OXNAD1: variants seen among roughly 807,000 people sequenced by gnomAD.
The protein encoded by OXNAD1 is oxidoreductase NAD binding domain containing 1.
OXNAD1 carries 34 observed loss-of-function variants against 32.9 expected under a neutral mutation model. The ratio of observed to expected loss-of-function variants is 1.03; its 90% CI spans 0.79 to 1.38. The LOEUF (loss-of-function observed/expected upper bound fraction) is 1.38, where lower values mean the gene tolerates loss of function less well. Ranked by LOEUF, OXNAD1 falls within the 40% of genes most tolerant of loss-of-function variation. The pLI is 0.00. For synonymous variants in OXNAD1, 134 were observed against 135.2 expected (o/e 0.99, Z 0.06); for missense variants, 407 against 379.4 (o/e 1.07, Z -0.60).
At chr3:16,330,773 T>G (rs915015609) in intron 9 of OXNAD1, among the ~76,000 whole-genome samples, 3 of 152,258 alleles carry the variant, frequency 2.0e-5, no homozygotes, top group African/African-American at 7.2e-5. Context: ...ATAGACATCC[T>G]ACACAACCTT....
In OXNAD1 at chr3:16,294,874, A is replaced by G. The variant is rs762529511; in HGVS notation, c.309A>G (p.Pro103=). 6 of 1,609,090 alleles carry G rather than the reference A, an allele frequency of 3.7e-6. No homozygotes were observed. The highest frequency in any genetic ancestry group is 5.1e-6 in the Non-Finnish European group (6 of 1,177,528). Residue 103 remains proline (P), a synonymous_variant, in exon 6 of 9, where the codon CCA becomes CCG. Coordinates refer to ENST00000285083, the MANE Select transcript of OXNAD1 (RefSeq NM_138381.5). ...TTTTTAGGGTTGATTTCTTTATTCC[A>G]GGAGTCTCTGTGGTTGGTGGGTTTT... ...KAGQWVDFFI[P]GVSVVGGFSI...
downstream of OXNAD1, among the ~76,000 whole-genome samples, chr3:16,337,722 C>CA (rs2070991960): frequency 7.3e-6 from 1 of 137,402 alleles, no homozygotes; most frequent in African/African-American, 2.9e-5. The surrounding 1 kb of genome is among the most constrained non-coding windows in gnomAD (Gnocchi z 5.0). Flanking sequence ...AGCCTGGCGA[C>CA]AGAGCGAGAC....
intron 2 of OXNAD1, 148 bp downstream of exon 2, chr3:16,269,423 C>T (rs2064774315): frequency 2.7e-6 from 2 of 747,534 alleles, no homozygotes; most frequent in African/African-American, 3.6e-5. Context: ...TAGCAAGTAG[C>T]ATGCTTATCC....
At position 16,265,658 on chromosome 3, in the gene OXNAD1, A is replaced by G. The variant is rs187981417; in HGVS notation, c.-159+153A>G. Among the ~76,000 whole-genome samples the G allele has an allele frequency of 3.7e-4, 57 of 152,344 alleles. No individual in the cohort carries two copies. Among genetic ancestry groups the G allele is most frequent in the African/African-American group, 1.1e-3 (45 of 41,586 alleles). ...ACGACGATGATTTTTAGTAATAGTA[A>G]TAACATCACCTTTTATTATTGGGAA... On this transcript the variant is annotated intron_variant, in intron 1 of 8. Coordinates refer to ENST00000285083, the MANE Select transcript of OXNAD1 (RefSeq NM_138381.5). The surrounding 1 kb of genome is among the most constrained non-coding windows in gnomAD (Gnocchi z 4.8).
chr3:16,269,367 G>A, intron 2 of OXNAD1, 92 bp downstream of exon 2: 1 of 1,323,680 alleles, frequency 7.6e-7, no homozygotes, highest in Non-Finnish European at 1.0e-6. Flanking sequence ...GGTCTTGAAT[G>A]AGGTTGAAGA....
At chr3:16,292,637 C>G (rs1359639905) in intron 5 of OXNAD1, among the ~76,000 whole-genome samples, 1 of 152,112 alleles carries the variant, frequency 6.6e-6, no homozygotes, top group African/African-American at 2.4e-5. Context: ...GTGTTTTATT[C>G]TAAGAGTTTA....
At position 16,345,813 on chromosome 3, in the gene OXNAD1, TGTGTGCGCGCGCGC is replaced by T. The variant is rs773927362; in HGVS notation, c.*31-3359_*31-3346del. Among the ~76,000 whole-genome samples the T allele has an allele frequency of 7.1e-5, 6 of 84,736 alleles. No homozygotes were observed. Among genetic ancestry groups the T allele is most frequent in the South Asian group, 3.7e-4 (1 of 2,704 alleles). The allele number at this position is 84,736 out of a possible 152,430, so 55.6% of individuals were successfully genotyped here. ...CTGTGTGTGTGTGTGTGTGTGTGTGTGTGTGCGCGCGCGCGTGCGCGCACGCGCACATGTGCATG... is the reference window on the plus strand; with the variant it reads ...CTGTGTGTGTGTGTGTGTGTGTGTGTGTGCGCGCACGCGCACATGTGCATG... On this transcript the variant is annotated intron_variant, in intron 9 of 9. Coordinates refer to the OXNAD1 transcript ENST00000606098. The surrounding 1 kb of genome is among the most constrained non-coding windows in gnomAD (Gnocchi z 5.2).
At chr3:16,274,871 TCAG>T (rs1056087108) in intron 4 of OXNAD1, among the ~76,000 whole-genome samples, 10 of 152,360 alleles carry the variant, frequency 6.6e-5, no homozygotes, top group African/African-American at 2.2e-4. Flanking sequence ...CTTTTTCTCT[TCAG>T]CACAACTCTC....
At position 16,269,252 on chromosome 3, in the gene OXNAD1, C is replaced by A; in HGVS notation, c.-32C>A. 1 of 1,535,306 alleles carries A rather than the reference C, an allele frequency of 6.5e-7. No homozygotes were observed. The highest frequency in any genetic ancestry group is 8.7e-7 in the Non-Finnish European group (1 of 1,146,744). The stretch of plus-strand genomic sequence containing the variant: ...TCAGCTGACCATATACTTAATGACT[C>A]CTAAAATCTCGTGGACTTCTAAGGT... On this transcript the variant is annotated 5_prime_UTR_variant, in exon 2 of 9. Transcript: ENST00000285083.
At chr3:16,350,886 A>C (rs948964342), downstream of OXNAD1, among the ~76,000 whole-genome samples, 10 of 152,232 alleles carry the variant, frequency 6.6e-5, no homozygotes, top group African/African-American at 2.4e-4. Flanking sequence ...AGATGGTTTA[A>C]AAAGAACAAA....
intron 2 of OXNAD1, among the ~76,000 whole-genome samples, chr3:16,270,391 GT>G (rs1157611547): frequency 6.6e-6 from 1 of 152,166 alleles, no homozygotes; most frequent in Non-Finnish European, 1.5e-5. Context: ...ATCTTACTGT[GT>G]GAATGTATCA....
chr3:16,307,889 A>G (rs7637152), downstream of OXNAD1, among the ~76,000 whole-genome samples: 624 of 152,308 alleles, frequency 4.1e-3, 4 homozygotes, highest in African/African-American at 0.015. Flanking sequence ...AAATTGGTAC[A>G]GTACTATTAA....
downstream of OXNAD1, among the ~76,000 whole-genome samples, chr3:16,310,681 C>T (rs1413558937): frequency 6.6e-6 from 1 of 152,090 alleles, no homozygotes; most frequent in Non-Finnish European, 1.5e-5. Flanking sequence ...GCTGGAATTG[C>T]CAACATTACC....
chr3:16,317,078 G>A lies in OXNAD1; in HGVS notation c.*30+13486G>A, dbSNP rs753751024. The A allele has an allele frequency of 1.2e-5, 20 of 1,613,630 alleles. No individual in the cohort carries two copies. Among genetic ancestry groups the A allele is most frequent in the East Asian group, 6.7e-5 (3 of 44,842 alleles). ...GACTCCACCCTCCTGCTGCTGTCCT[G>A]AAACACAGTTTCCCATGTCTCCAGC... is the stretch of plus-strand genomic sequence containing the variant. On this transcript the variant is annotated intron_variant, in intron 9 of 9. Transcript: ENST00000435829. The surrounding 1 kb of genome is among the most constrained non-coding windows in gnomAD (Gnocchi z 4.3).
rs990521825 is a variant in OXNAD1 at position 16,277,755 on chromosome 3, G to T, written c.183+6033G>T. ...ATTTCCTCTGGAAAGTTTACTGAAT[G>T]ACCATTTATGATGTTTATGCTTCTT... On this transcript the variant is annotated intron_variant, in intron 4 of 8. Coordinates refer to ENST00000285083, the MANE Select transcript of OXNAD1 (RefSeq NM_138381.5). The surrounding 1 kb of genome is among the most constrained non-coding windows in gnomAD (Gnocchi z 4.3). 5.9e-5 allele frequency among the ~76,000 whole-genome samples: 9 copies of T among 152,204 alleles called. No homozygotes were observed. Among genetic ancestry groups the T allele is most frequent in the Non-Finnish European group, 1.3e-4 (9 of 68,032 alleles).
chr3:16,268,313 CTTTTTTTTTTTTTT>C (rs531751365), intron 1 of OXNAD1, among the ~76,000 whole-genome samples: 33 of 61,002 alleles, frequency 5.4e-4, no homozygotes, highest in African/African-American at 1.3e-3. Flanking sequence ...AAGAGAACTC[CTTTTTTTTTTTTTT>C]TTTTTTTTTT....
At chr3:16,291,683 A>G (rs779490089) in intron 5 of OXNAD1, among the ~76,000 whole-genome samples, 39 of 152,362 alleles carry the variant, frequency 2.6e-4, no homozygotes, top group Admixed American at 3.9e-4. Flanking sequence ...GCTATTGTGA[A>G]TAATGCTGCC....
At chr3:16,291,410 T>C (rs1427122805) in intron 5 of OXNAD1, among the ~76,000 whole-genome samples, 4 of 152,256 alleles carry the variant, frequency 2.6e-5, no homozygotes, top group Admixed American at 6.5e-5. Flanking sequence ...ATGATTCTTA[T>C]TCATTCCCTA....
In OXNAD1 at chr3:16,336,709, CAG is replaced by C. The variant is rs1398563866; in HGVS notation, c.*31-400_*31-399del. ...TTAGTTCTTAGATGCAGAAAAGGGT[CAG>C]AGGAAAATACATGTAGTGCATAAAA... On this transcript the variant is annotated intron_variant, in intron 9 of 9. Transcript: ENST00000435829. This position sits in a 1 kb window ranked among gnomAD's most constrained non-coding sequence, Gnocchi z 6.0. Among the ~76,000 whole-genome samples the C allele has an allele frequency of 6.6e-6, 1 of 151,758 alleles. No homozygotes were observed. The highest frequency in any genetic ancestry group is 1.5e-5 in the Non-Finnish European group (1 of 67,956).
Sources: allele counts gnomAD v4.1 joint callset (sites outside exome capture counted in the v4.1 genomes callset), GRCh38; gene constraint gnomAD v4.1.1; non-coding constraint Gnocchi (gnomAD v3.1); transcripts MANE v1.5; gene names NCBI Gene and HGNC (gene_info 2026-07-23, HGNC 2026-07-21).